The following CLASP2 variants were observed in gnomAD, a reference collection of about 807,000 sequenced individuals.
CLASP2 encodes the protein CLIP-associating protein 2.
Under a neutral mutation model 194.4 loss-of-function variants are expected in CLASP2, and 47 were observed. The observed-to-expected ratio is 0.24, with a 90% CI of 0.19 to 0.31. CLASP2 has a LOEUF of 0.31. CLASP2 is among the 10% of genes least tolerant of loss of function. CLASP2 has a pLI of 1.00. For missense variants in CLASP2, 1,445 were observed against 1,823.6 expected (o/e 0.79, Z 3.78); for synonymous variants, 619 against 633.5 (o/e 0.98, Z 0.34).
At chr3:33,591,577 T>C (rs760343392) in intron 21 of CLASP2, among the ~76,000 whole-genome samples, 2 of 152,190 alleles carry the variant, frequency 1.3e-5, no homozygotes, top group Non-Finnish European at 2.9e-5. Context: ...CACTGCTCTA[T>C]TCCAGCCTAG....
At chr3:33,671,438 T>C (rs2087176576) in intron 6 of CLASP2, among the ~76,000 whole-genome samples, 1 of 152,154 alleles carries the variant, frequency 6.6e-6, no homozygotes, top group Admixed American at 6.5e-5. Flanking sequence ...CAGGAATTTT[T>C]TTAAAACTAT....
At chr3:33,717,637 G>T (rs2093359347) in intron 1 of CLASP2, among the ~76,000 whole-genome samples, 171 bp downstream of exon 1, 1 of 152,182 alleles carries the variant, frequency 6.6e-6, no homozygotes, top group Non-Finnish European at 1.5e-5. Flanking sequence ...ATGTTGGTCA[G>T]GCTGGTCTCG....
At chr3:33,607,546 T>A in intron 14 of CLASP2, 85 bp from the exon 15 acceptor site, 1 of 824,176 alleles carries the variant, frequency 1.2e-6, no homozygotes, top group Non-Finnish European at 1.8e-6. Flanking sequence ...TGTTACATAT[T>A]AATCACAAAC....
At chr3:33,679,723 T>C (rs903938693) in intron 6 of CLASP2, among the ~76,000 whole-genome samples, 2 of 152,258 alleles carry the variant, frequency 1.3e-5, no homozygotes, top group Admixed American at 6.5e-5. Context: ...CCCAAAACAC[T>C]GACAAGATCA....
intron 7 of CLASP2, among the ~76,000 whole-genome samples, chr3:33,656,646 G>A (rs1243458567): frequency 2.0e-5 from 3 of 152,100 alleles, no homozygotes; most frequent in Admixed American, 2.0e-4. Context: ...ATATATCTGT[G>A]TGTATATACA....
chr3:33,570,624 C>T lies in CLASP2; in HGVS notation c.2763+103G>A. The T allele has an allele frequency of 8.9e-6, 12 of 1,351,976 alleles. No homozygotes were observed. The South Asian group carries it at 1.3e-4, about 15-fold the overall frequency. The allele number at this position is 1,351,976 out of a possible 1,614,324, so 83.7% of individuals were successfully genotyped here. ...TTAATTATGCTTGAAAATATTACTGCCATTTTGGGACAATAAAATAAAAAT... is the reference window on the plus strand; with the variant it reads ...TTAATTATGCTTGAAAATATTACTGTCATTTTGGGACAATAAAATAAAAAT... On this transcript the variant is annotated intron_variant, in intron 26 of 38. Transcript: ENST00000682230.
chr3:33,513,566 G>A (rs1008532932), intron 36 of CLASP2, among the ~76,000 whole-genome samples: 1 of 152,086 alleles, frequency 6.6e-6, no homozygotes, highest in Non-Finnish European at 1.5e-5. Flanking sequence ...CAAAAATCCA[G>A]ATATATTTAA....
chr3:33,621,586 C>T (rs994884867), intron 11 of CLASP2, among the ~76,000 whole-genome samples: 12 of 152,034 alleles, frequency 7.9e-5, no homozygotes, highest in Admixed American at 5.2e-4. Context: ...ATATCTAATA[C>T]AATCCTGATT....
intron 6 of CLASP2, among the ~76,000 whole-genome samples, chr3:33,669,713 T>C (rs1330612450): frequency 6.6e-6 from 1 of 152,072 alleles, no homozygotes; most frequent in Non-Finnish European, 1.5e-5. Flanking sequence ...ACAACTGCAA[T>C]GAAACACTAC....
chr3:33,666,411 G>C (rs1335995152), intron 6 of CLASP2, among the ~76,000 whole-genome samples: 1 of 152,134 alleles, frequency 6.6e-6, no homozygotes, highest in Non-Finnish European at 1.5e-5. Flanking sequence ...TTTCTCTAAA[G>C]ACTATATCTA....
At chr3:33,598,181 A>G (rs2071003657) in intron 18 of CLASP2, among the ~76,000 whole-genome samples, 3 of 150,354 alleles carry the variant, frequency 2.0e-5, no homozygotes, top group African/African-American at 7.4e-5. Context: ...TTTTCACTCT[A>G]ATAAATCCTT....
intron 8 of CLASP2, among the ~76,000 whole-genome samples, chr3:33,643,697 A>C (rs1395050483): frequency 6.6e-6 from 1 of 151,998 alleles, no homozygotes; most frequent in Non-Finnish European, 1.5e-5. Context: ...AGATCGTTTA[A>C]ATGAAATACT....
intron 8 of CLASP2, among the ~76,000 whole-genome samples, chr3:33,637,240 A>C (rs1002147431): frequency 7.2e-5 from 11 of 152,160 alleles, no homozygotes; most frequent in Non-Finnish European, 1.6e-4. Flanking sequence ...TACAGATAAC[A>C]TTATAGAATT....
At chr3:33,552,730 C>T (rs2060237539) in intron 29 of CLASP2, among the ~76,000 whole-genome samples, 1 of 152,166 alleles carries the variant, frequency 6.6e-6, no homozygotes, top group Non-Finnish European at 1.5e-5. Flanking sequence ...CTAAAATCTA[C>T]TCTTTTAGCA....
chr3:33,564,645 C>T (rs917905823), intron 27 of CLASP2, among the ~76,000 whole-genome samples: 2 of 152,246 alleles, frequency 1.3e-5, no homozygotes, highest in South Asian at 4.2e-4. Context: ...GTCTGCAGTA[C>T]AGTGGCACGA....
chr3:33,499,995 C>T (rs1299569670), intron 38 of CLASP2, among the ~76,000 whole-genome samples: 1 of 151,866 alleles, frequency 6.6e-6, no homozygotes, highest in Non-Finnish European at 1.5e-5. Flanking sequence ...GAGATCATGA[C>T]TTTATGAAGT....
intron 1 of CLASP2, among the ~76,000 whole-genome samples, chr3:33,717,089 ATTCT>A (rs1186455077): frequency 6.6e-6 from 1 of 152,208 alleles, no homozygotes; most frequent in Non-Finnish European, 1.5e-5. Flanking sequence ...AGAAAGGCTC[ATTCT>A]TTCTCGCACC....
chr3:33,683,349 T>A (rs2090120875), intron 6 of CLASP2: 1 of 152,246 alleles, frequency 6.6e-6, no homozygotes, highest in African/African-American at 2.4e-5. Context: ...CTGCAGTGGT[T>A]CACGCCCATA....
At position 33,544,848 on chromosome 3, in the gene CLASP2, A is replaced by T. The variant is rs1186277030; in HGVS notation, c.3154-7T>A. 1 of 1,597,496 alleles carries T rather than the reference A, an allele frequency of 6.3e-7. No homozygotes were observed. Among genetic ancestry groups the T allele is most frequent in the Non-Finnish European group, 8.5e-7 (1 of 1,173,120 alleles). ...TCAGCACTGACTGTGCTGCCTAAAAAACAAAGGCATACAGTAGATGAATAT... is the reference window on the plus strand; with the variant it reads ...TCAGCACTGACTGTGCTGCCTAAAATACAAAGGCATACAGTAGATGAATAT... On this transcript the variant is annotated splice_polypyrimidine_tract_variant and splice_region_variant and intron_variant, in intron 30 of 38. Transcript: ENST00000682230.
Sources: gnomAD v4.1 joint callset for allele counts (sites outside exome capture counted in the v4.1 genomes callset) on GRCh38, gnomAD v4.1.1 for gene constraint, MANE v1.5 for transcripts, NCBI Gene and HGNC (gene_info 2026-07-23, HGNC 2026-07-21) for gene names.